The following EYS variants were observed in gnomAD, a reference collection of about 807,000 sequenced individuals.
The protein encoded by EYS is protein eyes shut homolog.
EYS carries 250 observed loss-of-function variants against 282.1 expected under a neutral mutation model. The observed-to-expected ratio is 0.89, with a 90% CI of 0.80 to 0.98. EYS has a LOEUF of 0.98. Among genes scored for constraint, EYS ranks in the 50% least tolerant of loss-of-function variants. The pLI is 0.00. For synonymous variants in EYS, 1,355 were observed against 1,282.9 expected (o/e 1.06, Z -1.20); for missense variants, 4,016 against 3,709.0 (o/e 1.08, Z -2.15).
intron 31 of EYS, among the ~76,000 whole-genome samples, chr6:64,128,563 C>A (rs1337258865): frequency 6.6e-6 from 1 of 152,062 alleles, no homozygotes; most frequent in Non-Finnish European, 1.5e-5. Flanking sequence ...AATGTAAGGG[C>A]TGTCAACATT....
chr6:64,206,615 T>C (rs1765616440), intron 31 of EYS, among the ~76,000 whole-genome samples: 1 of 152,142 alleles, frequency 6.6e-6, no homozygotes, highest in African/African-American at 2.4e-5. Context: ...AGATGGGACC[T>C]GGATTGATCA....
At chr6:64,671,559 G>C (rs1238163706) in intron 22 of EYS, among the ~76,000 whole-genome samples, 1 of 152,012 alleles carries the variant, frequency 6.6e-6, no homozygotes, top group African/African-American at 2.4e-5. Flanking sequence ...ACAGTATGTT[G>C]GTGTGTCATT....
At chr6:64,154,295 C>T (rs1250618597) in intron 31 of EYS, among the ~76,000 whole-genome samples, 1 of 151,942 alleles carries the variant, frequency 6.6e-6, no homozygotes, top group Non-Finnish European at 1.5e-5. Flanking sequence ...ACAAAATTAG[C>T]TGGGCGTGGT....
At chr6:64,819,850 T>A (rs1764848507) in intron 21 of EYS, among the ~76,000 whole-genome samples, 1 of 151,614 alleles carries the variant, frequency 6.6e-6, no homozygotes, top group South Asian at 2.1e-4. Context: ...AAATAAGACA[T>A]ACAAATCAAA....
chr6:64,958,646 G>A (rs151048515), intron 14 of EYS, among the ~76,000 whole-genome samples: 10,930 of 141,266 alleles, frequency 0.077, 421 homozygotes, highest in East Asian at 0.14. Context: ...GAGGCAGGAG[G>A]ATGGTGTGAA....
chr6:65,696,234 T>C (rs1378843243), intron 1 of EYS, among the ~76,000 whole-genome samples: 4 of 152,024 alleles, frequency 2.6e-5, no homozygotes, highest in African/African-American at 9.7e-5. Context: ...TTCTCAGAGA[T>C]ATATTTAAAA....
At chr6:65,181,628 A>G (rs1765386675) in intron 12 of EYS, among the ~76,000 whole-genome samples, 1 of 152,182 alleles carries the variant, frequency 6.6e-6, no homozygotes, top group African/African-American at 2.4e-5. Context: ...AACTAGTTCA[A>G]CCGTTGTGGA....
chr6:65,388,683 C>T (rs908096261), intron 7 of EYS, among the ~76,000 whole-genome samples: 1 of 151,942 alleles, frequency 6.6e-6, no homozygotes, highest in African/African-American at 2.4e-5. Context: ...TATGGCTCAC[C>T]TTGTAAGCAT....
rs908200308 is a variant in EYS at position 65,392,994 on chromosome 6, A to C, written c.1185-8494T>G. Among the ~76,000 whole-genome samples the C allele has an allele frequency of 5.2e-4, 79 of 152,320 alleles. 2 individuals carry two copies. In the South Asian group the frequency reaches 0.016, roughly 30 times the overall value. ...ACACCATGGAATACTATGCAGCCAT[A>C]AAAAATGATGAGTTCATGTCCTTTG... On this transcript the variant is annotated intron_variant, in intron 7 of 42. Coordinates refer to ENST00000503581, the MANE Select transcript of EYS (RefSeq NM_001142800.2).
At chr6:63,927,562 G>A (rs761373081) in intron 35 of EYS, among the ~76,000 whole-genome samples, 27 of 152,282 alleles carry the variant, frequency 1.8e-4, no homozygotes, top group Non-Finnish European at 3.2e-4. Flanking sequence ...TGTGGTTAAG[G>A]TGAGTTTTTT....
At chr6:64,251,793 T>C (rs1767227373) in intron 30 of EYS, among the ~76,000 whole-genome samples, 1 of 152,074 alleles carries the variant, frequency 6.6e-6, no homozygotes, top group Non-Finnish European at 1.5e-5. Context: ...AAGAAGCTCT[T>C]GAAGAGGTTA....
At chr6:65,226,139 C>G (rs1459245355) in intron 12 of EYS, among the ~76,000 whole-genome samples, 2 of 151,930 alleles carry the variant, frequency 1.3e-5, no homozygotes, top group African/African-American at 4.8e-5. Flanking sequence ...GTAAAAAAAT[C>G]TATTAGCATT....
chr6:63,735,988 G>A (rs1482267176), intron 41 of EYS, among the ~76,000 whole-genome samples: 8 of 152,072 alleles, frequency 5.3e-5, no homozygotes, highest in Middle Eastern at 3.2e-3. Context: ...ATGTAGACCC[G>A]TATCACTACA....
At chr6:63,979,056 G>A (rs182298633) in intron 35 of EYS, among the ~76,000 whole-genome samples, 20 of 152,008 alleles carry the variant, frequency 1.3e-4, no homozygotes, top group Admixed American at 1.2e-3. Context: ...ATGAATTGGG[G>A]TTGATTTTCT....
At chr6:64,571,069 CAACA>C (rs1765709680) in intron 26 of EYS, among the ~76,000 whole-genome samples, 2 of 152,032 alleles carry the variant, frequency 1.3e-5, no homozygotes, top group African/African-American at 2.4e-5. Context: ...ACGAATATCA[CAACA>C]AACAGTCTCT....
intron 35 of EYS, among the ~76,000 whole-genome samples, chr6:63,867,522 T>C (rs994112511): frequency 7.2e-5 from 11 of 152,166 alleles, no homozygotes; most frequent in Admixed American, 3.3e-4. Context: ...CCAAAGTTTG[T>C]TGTGCACCTA....
chr6:64,132,867 C>T (rs972492177), intron 31 of EYS, among the ~76,000 whole-genome samples: 5 of 151,792 alleles, frequency 3.3e-5, no homozygotes, highest in Non-Finnish European at 7.4e-5. Flanking sequence ...AAATAAGTAA[C>T]TATCATAAAT....
intron 2 of EYS, among the ~76,000 whole-genome samples, chr6:65,557,604 G>A (rs1158309877): frequency 1.3e-5 from 2 of 152,130 alleles, no homozygotes; most frequent in Non-Finnish European, 2.9e-5. Context: ...TGGGCTCCCA[G>A]AACTGCCACT....
rs1170281970 is a variant in EYS at position 65,117,025 on chromosome 6, C to T, written c.2024-59298G>A. Among the ~76,000 whole-genome samples, 5 of 152,076 alleles carry T rather than the reference C, an allele frequency of 3.3e-5. No homozygotes were observed. In the East Asian group the frequency reaches 9.7e-4, roughly 29 times the overall value. On this transcript the variant is annotated intron_variant, in intron 12 of 42. Transcript: ENST00000503581. Reference sequence around the variant, plus strand: ...CTTTTCTTTTGTCTTGAAGTTGTAGCCATTAAACTGCACTGGCCAGTCAAA... The same window carrying T: ...CTTTTCTTTTGTCTTGAAGTTGTAGTCATTAAACTGCACTGGCCAGTCAAA...
Sources: allele counts gnomAD v4.1 joint callset (sites outside exome capture counted in the v4.1 genomes callset), GRCh38; gene constraint gnomAD v4.1.1; transcripts MANE v1.5; gene names NCBI Gene and HGNC (gene_info 2026-07-23, HGNC 2026-07-21).